PTPN13: variants seen among roughly 807,000 people sequenced by gnomAD.
PTPN13 encodes the protein tyrosine-protein phosphatase non-receptor type 13.
A neutral mutation model predicts 284.0 loss-of-function variants in PTPN13; 191 were observed. That is an observed-to-expected ratio of 0.67 (90% CI 0.60 to 0.76). The LOEUF (loss-of-function observed/expected upper bound fraction) is 0.76. Ranked by LOEUF, PTPN13 falls within the 30% of genes least tolerant of loss-of-function variation. The pLI is 0.00. For missense variants in PTPN13, 2,797 were observed against 2,939.9 expected (o/e 0.95, Z 1.12); for synonymous variants, 986 against 1,022.3 (o/e 0.96, Z 0.68).
In PTPN13 at chr4:86,753,050, C is replaced by A; in HGVS notation, c.3208C>A (p.Pro1070Thr). ...TTCTGGAAACTCTTCATCCCAAGTA[C>A]CCTTAAAAGAAAATGGTAGGTTTAC... ...HSSGNSSSQV[P>T]LKENDVLHKR... Residue 1070 changes from proline to threonine, a missense_variant, in exon 20 of 48, where the codon CCC (proline) becomes ACC (threonine). By Grantham distance (38) the Pro-to-Thr change is conservative (BLOSUM62 -1). Transcript: ENST00000411767. 6.2e-7 allele frequency: 1 copy of A among 1,606,600 alleles called. No homozygotes were observed. Among genetic ancestry groups the A allele is most frequent in the Non-Finnish European group, 8.5e-7 (1 of 1,174,624 alleles).
At chr4:86,773,881 A>G (rs1209741915) in intron 32 of PTPN13, among the ~76,000 whole-genome samples, 1 of 152,162 alleles carries the variant, frequency 6.6e-6, no homozygotes, top group African/African-American at 2.4e-5. Flanking sequence ...TATTTATACA[A>G]CAAAATTAAT....
Position 86,758,455 on chromosome 4 carries a change from G to T in PTPN13, c.3313+106G>T, listed in dbSNP as rs767153713. On this transcript the variant is annotated intron_variant, in intron 21 of 47. Coordinates refer to ENST00000411767, the MANE Select transcript of PTPN13 (RefSeq NM_080683.3). ...AGTGCCAGCTCACTTCTGGTCTCAA[G>T]ATACTGACTGGCTGCCCACCTACAA... 17 of 1,034,152 alleles carry T rather than the reference G, an allele frequency of 1.6e-5. No individual in the cohort carries two copies. In the Admixed American group the frequency reaches 2.3e-4, roughly 14 times the overall value. 64.1% of individuals were successfully genotyped at this position (1,034,152 alleles called of 1,614,324 possible).
chr4:86,742,262 T>C (rs1002042926), intron 16 of PTPN13, among the ~76,000 whole-genome samples: 1 of 152,252 alleles, frequency 6.6e-6, no homozygotes, highest in African/African-American at 2.4e-5. Flanking sequence ...CTGGATTTTA[T>C]GAACTAGTCC....
chr4:86,619,172 A>C (rs1720937514), intron 1 of PTPN13, among the ~76,000 whole-genome samples: 1 of 152,214 alleles, frequency 6.6e-6, no homozygotes, highest in Admixed American at 6.5e-5. Flanking sequence ...GGTAGCCTAC[A>C]GTGTACTGTA....
At chr4:86,718,455 C>CTTTTTTTTTTTTTT (rs796389778) in intron 9 of PTPN13, among the ~76,000 whole-genome samples, 1 of 140,160 alleles carries the variant, frequency 7.1e-6, no homozygotes, top group Non-Finnish European at 1.6e-5. Flanking sequence ...TAATGGTCCA[C>CTTTTTTTTTTTTTT]TTTTTTTTTT....
intron 24 of PTPN13, among the ~76,000 whole-genome samples, 192 bp downstream of exon 24, chr4:86,763,382 A>G (rs1468951783): frequency 1.3e-5 from 2 of 152,228 alleles, no homozygotes; most frequent in African/African-American, 4.8e-5. Flanking sequence ...ATAACTTTAA[A>G]TGGCTATGAC....
chr4:86,773,408 A>AT (rs66811752), intron 32 of PTPN13, among the ~76,000 whole-genome samples: 7 of 150,344 alleles, frequency 4.7e-5, no homozygotes, highest in South Asian at 2.1e-4. Flanking sequence ...TTTGAATGTA[A>AT]TTTTTTTTTT....
At chr4:86,635,454 T>C in intron 2 of PTPN13, 83 bp downstream of exon 2, 1 of 1,517,024 alleles carries the variant, frequency 6.6e-7, no homozygotes, top group Non-Finnish European at 8.8e-7. Context: ...AGAGATTAGA[T>C]TTTTGTTTCA....
chr4:86,698,334 A>T (rs1195949002), intron 6 of PTPN13, among the ~76,000 whole-genome samples: 1 of 152,226 alleles, frequency 6.6e-6, no homozygotes, highest in Non-Finnish European at 1.5e-5. Flanking sequence ...GGATGTACGA[A>T]GCAAAAGATC....
At chr4:86,623,496 C>T (rs981927949) in intron 1 of PTPN13, among the ~76,000 whole-genome samples, 2 of 152,188 alleles carry the variant, frequency 1.3e-5, no homozygotes, top group Non-Finnish European at 2.9e-5. Context: ...TCCTTGTCAA[C>T]TTGGCATTCA....
chr4:86,680,702 A>T (rs937956501), intron 3 of PTPN13, among the ~76,000 whole-genome samples: 1 of 152,156 alleles, frequency 6.6e-6, no homozygotes, highest in Non-Finnish European at 1.5e-5. Flanking sequence ...TGAAGTACAG[A>T]TTCCTTAACC....
At chr4:86,595,187 C>A (rs1444424891) in intron 1 of PTPN13, among the ~76,000 whole-genome samples, 1 of 151,912 alleles carries the variant, frequency 6.6e-6, no homozygotes, top group Admixed American at 6.6e-5. Context: ...GAGTCTGTTT[C>A]TAATTTCTGC....
intron 3 of PTPN13, among the ~76,000 whole-genome samples, chr4:86,679,669 C>T (rs1035577164): frequency 6.6e-6 from 1 of 152,114 alleles, no homozygotes; most frequent in Non-Finnish European, 1.5e-5. Flanking sequence ...CACACAGTGC[C>T]AGGGTTGTGT....
chr4:86,703,711 A>AT (rs922909757), intron 7 of PTPN13, among the ~76,000 whole-genome samples: 8 of 152,062 alleles, frequency 5.3e-5, no homozygotes, highest in Non-Finnish European at 8.8e-5. Flanking sequence ...TACAAAAAAA[A>AT]TTTTTTAATT....
At chr4:86,744,221 A>C (rs1385442722) in intron 16 of PTPN13, among the ~76,000 whole-genome samples, 1 of 152,148 alleles carries the variant, frequency 6.6e-6, no homozygotes, top group Non-Finnish European at 1.5e-5. Flanking sequence ...CACAACTTCT[A>C]TTCAGCCTTT....
chr4:86,797,510 A>T (rs1743484865), intron 41 of PTPN13, among the ~76,000 whole-genome samples: 1 of 152,114 alleles, frequency 6.6e-6, no homozygotes, highest in Admixed American at 6.5e-5. Flanking sequence ...AAAGAAAGAA[A>T]AAAAGTTTTA....
At chr4:86,627,694 A>G (rs561292654) in intron 1 of PTPN13, among the ~76,000 whole-genome samples, 1 of 152,200 alleles carries the variant, frequency 6.6e-6, no homozygotes, top group African/African-American at 2.4e-5. Context: ...GCCCCTTTTT[A>G]ATCTTTCCCA....
At chr4:86,804,111 G>T (rs1047686610) in intron 43 of PTPN13, among the ~76,000 whole-genome samples, 6 of 150,242 alleles carry the variant, frequency 4.0e-5, no homozygotes, top group Non-Finnish European at 7.4e-5. Context: ...CATAGTTAAG[G>T]TAAAAATGTT....
At chr4:86,632,142 T>G (rs527500970) in intron 1 of PTPN13, among the ~76,000 whole-genome samples, 2 of 152,278 alleles carry the variant, frequency 1.3e-5, no homozygotes, top group South Asian at 4.2e-4. Flanking sequence ...TACTAATGAC[T>G]ACAGTCACTT....
Sources: allele counts gnomAD v4.1 joint callset (sites outside exome capture counted in the v4.1 genomes callset), GRCh38; gene constraint gnomAD v4.1.1; transcripts MANE v1.5; gene names NCBI Gene and HGNC (gene_info 2026-07-23, HGNC 2026-07-21).